The following CFAP96 variants were observed in gnomAD, a reference collection of about 807,000 sequenced individuals.
CFAP96 encodes cilia-and flagella-associated protein 96.
At chr4:185,411,450 T>C in the CFAP96 span, among the ~76,000 whole-genome samples, 2 of 151,952 alleles carry the variant, frequency 1.3e-5, no homozygotes, top group East Asian at 3.9e-4. Context: ...ATAAGAACAG[T>C]ATGAGAGAAG....
At chr4:185,436,034 A>G in the CFAP96 span, 1 of 1,501,928 alleles carries the variant, frequency 6.7e-7, no homozygotes, top group East Asian at 2.5e-5. Flanking sequence ...ACATCAAAAA[A>G]TTGTATTTAA....
chr4:185,439,562 A>G, the CFAP96 span, among the ~76,000 whole-genome samples: 2 of 151,926 alleles, frequency 1.3e-5, no homozygotes, highest in East Asian at 3.8e-4. Flanking sequence ...ATCAATGTTC[A>G]CTGTATAGTT....
the CFAP96 span, among the ~76,000 whole-genome samples, chr4:185,432,795 T>G: frequency 6.6e-6 from 1 of 151,706 alleles, no homozygotes; most frequent in Non-Finnish European, 1.5e-5. Flanking sequence ...CCCAGGAGTT[T>G]GAGGTTACAG....
At chr4:185,444,971 G>A in the CFAP96 span, 4 of 1,548,278 alleles carry the variant, frequency 2.6e-6, no homozygotes, top group African/African-American at 4.1e-5. Context: ...CAGCCTGGTG[G>A]AATGAAGGCA....
the CFAP96 span, among the ~76,000 whole-genome samples, chr4:185,430,064 G>C: frequency 6.6e-6 from 1 of 152,134 alleles, no homozygotes; most frequent in Non-Finnish European, 1.5e-5. Flanking sequence ...TCTTTTCAAA[G>C]GTGCCTGGCA....
At chr4:185,431,029 G>A in the CFAP96 span, among the ~76,000 whole-genome samples, 1 of 152,044 alleles carries the variant, frequency 6.6e-6, no homozygotes, top group Non-Finnish European at 1.5e-5. Flanking sequence ...GAGAAATATG[G>A]TGAAACCCCG....
chr4:185,423,830 G>A, the CFAP96 span, among the ~76,000 whole-genome samples: 1 of 151,762 alleles, frequency 6.6e-6, no homozygotes, highest in African/African-American at 2.4e-5. Flanking sequence ...ACACACACAC[G>A]AGAGAAAGAG....
chr4:185,428,340 G>C, the CFAP96 span, among the ~76,000 whole-genome samples: 1 of 151,964 alleles, frequency 6.6e-6, no homozygotes, highest in African/African-American at 2.4e-5. Context: ...TTGGGAGGCC[G>C]AGGTGGGTGG....
chr4:185,409,435 C>T, the CFAP96 span, among the ~76,000 whole-genome samples: 1 of 152,086 alleles, frequency 6.6e-6, no homozygotes, highest in African/African-American at 2.4e-5. Flanking sequence ...AGTGATCCTC[C>T]TGCCTCAGCC....
At chr4:185,436,712 A>AAATAATAATAAT in the CFAP96 span, among the ~76,000 whole-genome samples, 23,765 of 143,908 alleles carry the variant, frequency 0.17, 2,086 homozygotes, top group Middle Eastern at 0.2. Flanking sequence ...TCCGTCTCAA[A>AAATAATAATAAT]AATAATAATA....
chr4:185,428,907 A>G, the CFAP96 span, among the ~76,000 whole-genome samples: 1 of 152,216 alleles, frequency 6.6e-6, no homozygotes, highest in Admixed American at 6.5e-5. Flanking sequence ...TTATATTTTC[A>G]ACATAAGGGA....
chr4:185,445,755 A>C, the CFAP96 span, among the ~76,000 whole-genome samples: 2 of 152,236 alleles, frequency 1.3e-5, no homozygotes, highest in African/African-American at 4.8e-5. Context: ...ACAGTAGTAC[A>C]TCTTTAACAC....
chr4:185,418,449 A>G, the CFAP96 span: 2 of 1,607,728 alleles, frequency 1.2e-6, no homozygotes, highest in South Asian at 1.1e-5. Context: ...ACCATGTCTG[A>G]TAACTTTTTG....
the CFAP96 span, chr4:185,449,749 C>A: frequency 1.4e-6 from 1 of 698,696 alleles, no homozygotes; most frequent in Non-Finnish European, 2.3e-6. Flanking sequence ...ATAGCTCAAG[C>A]AGTTAAAAGA....
At chr4:185,431,696 A>G in the CFAP96 span, among the ~76,000 whole-genome samples, 1 of 152,206 alleles carries the variant, frequency 6.6e-6, no homozygotes, top group Non-Finnish European at 1.5e-5. Flanking sequence ...TCTAGTCTGT[A>G]GTTGGAGAAA....
At chr4:185,433,550 T>C in the CFAP96 span, among the ~76,000 whole-genome samples, 1 of 152,154 alleles carries the variant, frequency 6.6e-6, no homozygotes, top group Non-Finnish European at 1.5e-5. Context: ...TTGTATAACT[T>C]ATACTTCCTT....
the CFAP96 span, among the ~76,000 whole-genome samples, chr4:185,425,470 T>C: frequency 1.3e-5 from 2 of 152,126 alleles, no homozygotes; most frequent in Non-Finnish European, 2.9e-5. Context: ...TTGGAGAACC[T>C]TGCTGAGCAA....
the CFAP96 span, chr4:185,429,604 G>GT: frequency 1.3e-6 from 1 of 744,332 alleles, no homozygotes; most frequent in Non-Finnish European, 2.1e-6. Context: ...TTTTTTAATG[G>GT]TTTATATTTT....
At chr4:185,425,808 G>A in the CFAP96 span, 3 of 1,582,232 alleles carry the variant, frequency 1.9e-6, no homozygotes, top group Admixed American at 1.8e-5. Flanking sequence ...GCCCGCTCGT[G>A]GCGGCTGCCA....
Sources: allele counts gnomAD v4.1 joint callset (sites outside exome capture counted in the v4.1 genomes callset), GRCh38; gene constraint gnomAD v4.1.1; transcripts MANE v1.5; gene names NCBI Gene and HGNC (gene_info 2026-07-23, HGNC 2026-07-21).